The following GALNT17 variants were observed in gnomAD, a reference collection of about 807,000 sequenced individuals.
GALNT17 encodes the protein polypeptide N-acetylgalactosaminyltransferase 17.
In GALNT17, 29 loss-of-function variants were observed where a neutral mutation model predicts 63.7. The observed-to-expected ratio is 0.46, with a 90% CI of 0.34 to 0.62. GALNT17 has a LOEUF of 0.62. GALNT17 is among the 20% of genes least tolerant of loss of function. The probability of loss-of-function intolerance (pLI) is 0.01; values close to 1 mark genes in which losing one functional copy is unlikely to be tolerated. For synonymous variants in GALNT17, 305 were observed against 318.3 expected (o/e 0.96, Z 0.45); for missense variants, 603 against 799.6 (o/e 0.75, Z 2.97).
chr7:71,402,447 T>C (rs1012634945), intron 3 of GALNT17, among the ~76,000 whole-genome samples: 1 of 152,254 alleles, frequency 6.6e-6, no homozygotes, highest in Non-Finnish European at 1.5e-5. Flanking sequence ...GAGATTTTTT[T>C]CCCCACTTCT....
chr7:71,182,811 T>A (rs1330633569), intron 1 of GALNT17, among the ~76,000 whole-genome samples: 1 of 152,162 alleles, frequency 6.6e-6, no homozygotes, highest in East Asian at 1.9e-4. Context: ...TGCAAAATTA[T>A]GACTGCATGT....
At chr7:71,186,849 G>A (rs999634289) in intron 1 of GALNT17, among the ~76,000 whole-genome samples, 1 of 152,186 alleles carries the variant, frequency 6.6e-6, no homozygotes, top group African/African-American at 2.4e-5. Context: ...CCTAAGGCGA[G>A]AAAGGCTGGG....
intron 5 of GALNT17, among the ~76,000 whole-genome samples, chr7:71,438,229 A>G (rs927202648): frequency 1.3e-5 from 2 of 152,228 alleles, no homozygotes; most frequent in Non-Finnish European, 2.9e-5. Flanking sequence ...CTGGGGAGCA[A>G]GGAAGCCAGT....
At chr7:71,269,469 A>G (rs1357635659) in intron 1 of GALNT17, among the ~76,000 whole-genome samples, 1 of 151,914 alleles carries the variant, frequency 6.6e-6, no homozygotes, top group African/African-American at 2.4e-5. Context: ...CATGTCTATT[A>G]AAAAATAAGC....
intron 3 of GALNT17, among the ~76,000 whole-genome samples, chr7:71,398,774 A>G (rs1360566448): frequency 6.6e-6 from 1 of 152,258 alleles, no homozygotes; most frequent in African/African-American, 2.4e-5. Flanking sequence ...GCACAATAAT[A>G]GGTATGTACC....
chr7:71,294,290 C>A (rs1012878167), intron 1 of GALNT17, among the ~76,000 whole-genome samples: 11 of 152,012 alleles, frequency 7.2e-5, no homozygotes, highest in Non-Finnish European at 1.3e-4. Flanking sequence ...TTTCTCTTCC[C>A]AGTTTGAGAA....
intron 6 of GALNT17, among the ~76,000 whole-genome samples, chr7:71,630,851 G>T (rs1413832027): frequency 1.3e-5 from 2 of 152,178 alleles, no homozygotes; most frequent in African/African-American, 4.8e-5. Context: ...CAGATTTAAA[G>T]AAAATAAGCA....
Position 71,591,264 on chromosome 7 carries a change from C to T in GALNT17, c.1080+19862C>T, listed in dbSNP as rs1410103030. 2.6e-5 allele frequency among the ~76,000 whole-genome samples: 4 copies of T among 152,156 alleles called. No homozygotes were observed. The East Asian group carries it at 7.7e-4, about 29-fold the overall frequency. ...AGAGACAGGGTTTCACCATGTTGGCCAGGCTGGTCTTGAACTCTTGACCTC... is the reference window on the plus strand; with the variant it reads ...AGAGACAGGGTTTCACCATGTTGGCTAGGCTGGTCTTGAACTCTTGACCTC... On this transcript the variant is annotated intron_variant, in intron 6 of 10. Coordinates refer to ENST00000333538, the MANE Select transcript of GALNT17 (RefSeq NM_022479.3).
At chr7:71,651,622 A>G (rs1385081038) in intron 6 of GALNT17, among the ~76,000 whole-genome samples, 1 of 152,184 alleles carries the variant, frequency 6.6e-6, no homozygotes. Flanking sequence ...ATTTTCTAAC[A>G]TCAAAGCCCT....
At chr7:71,252,472 C>G (rs1279683877) in intron 1 of GALNT17, among the ~76,000 whole-genome samples, 3 of 152,098 alleles carry the variant, frequency 2.0e-5, no homozygotes. Context: ...CTGCAGTGAG[C>G]CAAGATTGTA....
At chr7:71,311,053 A>G (rs537487439) in intron 1 of GALNT17, among the ~76,000 whole-genome samples, 1 of 152,166 alleles carries the variant, frequency 6.6e-6, no homozygotes, top group Non-Finnish European at 1.5e-5. Flanking sequence ...TCTGTATTTC[A>G]TTTCAGCAAG....
chr7:71,688,206 T>C (rs906004459), intron 9 of GALNT17, among the ~76,000 whole-genome samples: 1 of 152,214 alleles, frequency 6.6e-6, no homozygotes, highest in African/African-American at 2.4e-5. Context: ...CACTTATAAA[T>C]TCGTCTTACC....
chr7:71,564,873 T>C (rs901965413), intron 5 of GALNT17, among the ~76,000 whole-genome samples: 1 of 152,152 alleles, frequency 6.6e-6, no homozygotes, highest in African/African-American at 2.4e-5. Context: ...CAGAGCTGTT[T>C]CCAGCACAGA....
intron 1 of GALNT17, among the ~76,000 whole-genome samples, chr7:71,223,907 T>C (rs898739951): frequency 1.3e-5 from 2 of 152,252 alleles, no homozygotes; most frequent in African/African-American, 2.4e-5. Flanking sequence ...TTCTTTTTTA[T>C]GGCTGCATAA....
chr7:71,422,137 TTGGGTCAGGAGGGC>T (rs1204183825), intron 5 of GALNT17, among the ~76,000 whole-genome samples: 2 of 151,838 alleles, frequency 1.3e-5, no homozygotes, highest in African/African-American at 4.8e-5. Context: ...GAAGAAGGGG[TTGGGTCAGGAGGGC>T]TGGGTCAGGA....
intron 6 of GALNT17, among the ~76,000 whole-genome samples, chr7:71,664,108 G>A (rs761087684): frequency 5.3e-5 from 8 of 151,044 alleles, no homozygotes; most frequent in Non-Finnish European, 8.8e-5. Flanking sequence ...AGGTCCTTAC[G>A]GCCTAGGTGC....
rs745774422 is a variant in GALNT17 at position 71,415,905 on chromosome 7, C to T, written c.606C>T (p.Pro202=). The T allele has an allele frequency of 1.9e-6, 3 of 1,610,054 alleles. No homozygotes were observed. Among genetic ancestry groups the T allele is most frequent in the Non-Finnish European group, 2.5e-6 (3 of 1,178,182 alleles). Reference sequence around the variant, plus strand: ...CATTTGCAGAGGAGCTGAAGGTCCCCCTAGAGGAGTATGTCCACAAACGCT... The same window carrying T: ...CATTTGCAGAGGAGCTGAAGGTCCCTCTAGAGGAGTATGTCCACAAACGCT... ...DNSDEEELKV[P]LEEYVHKRYP... Residue 202 remains proline, a synonymous_variant, in exon 4 of 11, where the codon CCC becomes CCT. Coordinates refer to ENST00000333538, the MANE Select transcript of GALNT17 (RefSeq NM_022479.3).
At chr7:71,625,171 G>A (rs1790353884) in intron 6 of GALNT17, among the ~76,000 whole-genome samples, 1 of 151,638 alleles carries the variant, frequency 6.6e-6, no homozygotes, top group Non-Finnish European at 1.5e-5. Flanking sequence ...TTGAGACAGA[G>A]TCTCACTCTG....
At chr7:71,250,240 C>T (rs902523772) in intron 1 of GALNT17, among the ~76,000 whole-genome samples, 2 of 152,020 alleles carry the variant, frequency 1.3e-5, no homozygotes, top group African/African-American at 4.8e-5. Context: ...TTTATGGATG[C>T]CATAGGCTCT....
Sources: allele counts gnomAD v4.1 joint callset (sites outside exome capture counted in the v4.1 genomes callset), GRCh38; gene constraint gnomAD v4.1.1; transcripts MANE v1.5; gene names NCBI Gene and HGNC (gene_info 2026-07-23, HGNC 2026-07-21).